The following PSD3 variants were observed in gnomAD, a reference collection of about 807,000 sequenced individuals.
PSD3 encodes the protein PH and SEC7 domain-containing protein 3.
Under a neutral mutation model 105.5 loss-of-function variants are expected in PSD3, and 49 were observed. That is an observed-to-expected ratio of 0.46 (90% CI 0.37 to 0.59). The LOEUF (loss-of-function observed/expected upper bound fraction) is 0.59. Among genes scored for constraint, PSD3 ranks in the 20% least tolerant of loss-of-function variants. The pLI is 0.00. For missense variants in PSD3, 1,561 were observed against 1,263.8 expected (o/e 1.24, Z -3.57); for synonymous variants, 557 against 457.8 (o/e 1.22, Z -2.77).
rs535542634 is a variant in PSD3 at position 18,959,522 on chromosome 8, A to G, written c.22-23380T>C. ...GTCTCCTATTCCAACTTTCTCTCTC[A>G]TTGCTCACGACACTAAGCAACGGTG... is the stretch of plus-strand genomic sequence containing the variant. On this transcript the variant is annotated intron_variant, in intron 1 of 15. Coordinates refer to ENST00000327040, the MANE Select transcript of PSD3 (RefSeq NM_015310.4). Among the ~76,000 whole-genome samples the G allele has an allele frequency of 1.3e-4, 19 of 151,968 alleles. No individual in the cohort carries two copies. In the East Asian group the frequency reaches 3.7e-3, roughly 30 times the overall value.
At chr8:18,964,083 G>GA (rs1824096672) in intron 1 of PSD3, among the ~76,000 whole-genome samples, 1 of 152,156 alleles carries the variant, frequency 6.6e-6, no homozygotes, top group South Asian at 2.1e-4. Flanking sequence ...AGAGTTACAA[G>GA]AAACACCATT....
At chr8:18,824,310 C>A (rs1563315463) in intron 4 of PSD3, among the ~76,000 whole-genome samples, 5 of 152,182 alleles carry the variant, frequency 3.3e-5, no homozygotes. Flanking sequence ...AGTAAACATT[C>A]CACTGCCCTT....
At chr8:18,876,622 A>G (rs962192710) in intron 2 of PSD3, among the ~76,000 whole-genome samples, 3 of 150,944 alleles carry the variant, frequency 2.0e-5, no homozygotes, top group African/African-American at 7.3e-5. Context: ...CTAGTCTTGA[A>G]CTCCTGGGCT....
chr8:18,961,045 C>T (rs1191238011), intron 1 of PSD3, among the ~76,000 whole-genome samples: 1 of 152,070 alleles, frequency 6.6e-6, no homozygotes, highest in Non-Finnish European at 1.5e-5. Context: ...CCGTGAGTAA[C>T]AGAGTCACTG....
intron 2 of PSD3, among the ~76,000 whole-genome samples, chr8:18,918,878 C>T (rs1244677761): frequency 6.6e-6 from 1 of 152,082 alleles, no homozygotes; most frequent in East Asian, 1.9e-4. Flanking sequence ...AGTCGTCATT[C>T]ATAAGTGCCA....
chr8:18,915,914 G>A (rs1216754156), intron 2 of PSD3, among the ~76,000 whole-genome samples: 2 of 152,058 alleles, frequency 1.3e-5, no homozygotes, highest in African/African-American at 4.8e-5. Context: ...TGACCAACAT[G>A]GAGAAACCCT....
chr8:18,585,546 G>A (rs955948578), intron 12 of PSD3, among the ~76,000 whole-genome samples: 3 of 151,980 alleles, frequency 2.0e-5, no homozygotes, highest in Non-Finnish European at 4.4e-5. Flanking sequence ...TTGAACCCTT[G>A]GGCTTAAGCA....
At chr8:18,921,697 A>G (rs1050372223) in intron 2 of PSD3, among the ~76,000 whole-genome samples, 1 of 152,258 alleles carries the variant, frequency 6.6e-6, no homozygotes, top group Non-Finnish European at 1.5e-5. Flanking sequence ...AGTGTGACAT[A>G]ATGAAACTCA....
At chr8:18,968,879 CAAAAAAAAAAAAA>C (rs10597134) in intron 1 of PSD3, among the ~76,000 whole-genome samples, 1 of 71,722 alleles carries the variant, frequency 1.4e-5, no homozygotes, top group Non-Finnish European at 2.5e-5. Flanking sequence ...AAAATGTCTC[CAAAAAAAAAAAAA>C]AAAAAAAAAA....
chr8:18,631,418 G>C (rs1236386803), intron 11 of PSD3, among the ~76,000 whole-genome samples: 1 of 151,844 alleles, frequency 6.6e-6, no homozygotes, highest in African/African-American at 2.4e-5. Context: ...GAGAAGTTAG[G>C]GAAGAAGAAC....
intron 12 of PSD3, among the ~76,000 whole-genome samples, chr8:18,581,847 T>C (rs1472262619): frequency 6.6e-6 from 1 of 152,184 alleles, no homozygotes; most frequent in African/African-American, 2.4e-5. Flanking sequence ...ATTACTATCG[T>C]GATACTCCGT....
intron 9 of PSD3, among the ~76,000 whole-genome samples, chr8:18,688,393 G>C (rs758978845): frequency 4.6e-5 from 7 of 152,148 alleles, no homozygotes; most frequent in Admixed American, 6.5e-5. Context: ...CACTGTGCCT[G>C]GCCTTCTTAA....
In PSD3 at chr8:18,867,662, T is replaced by C. The variant is rs199832162; in HGVS notation, c.1634+12A>G. The stretch of plus-strand genomic sequence containing the variant: ...ACCACCAGCATGAAATGAATGAGAA[T>C]GGGACGAGTACCTTCCCCAGAAAGC... On this transcript the variant is annotated intron_variant, in intron 4 of 15. Transcript: ENST00000327040. 7.1e-4 allele frequency: 1,123 copies of C among 1,587,870 alleles called. 1 individual carries two copies. The highest frequency in any genetic ancestry group is 9.1e-4 in the Non-Finnish European group (1,064 of 1,165,940).
At chr8:19,040,947 CAG>C (rs1236119668) in intron 1 of PSD3, among the ~76,000 whole-genome samples, 3 of 152,226 alleles carry the variant, frequency 2.0e-5, no homozygotes, top group African/African-American at 7.2e-5. Context: ...GGCTGGAGTG[CAG>C]AGACACGATC....
intron 10 of PSD3, among the ~76,000 whole-genome samples, chr8:18,642,311 G>A (rs777805923): frequency 4.6e-5 from 7 of 152,040 alleles, no homozygotes; most frequent in Non-Finnish European, 1.0e-4. Flanking sequence ...TCTTGATCTG[G>A]CTAAATTTTC....
At chr8:18,611,239 T>C (rs10503622) in intron 11 of PSD3, among the ~76,000 whole-genome samples, 41,486 of 148,178 alleles carry the variant, frequency 0.28, 6,116 homozygotes, top group South Asian at 0.47. Flanking sequence ...TGTAATTTAA[T>C]GTAGGATTTT....
chr8:18,718,413 C>A (rs1288966046), intron 9 of PSD3, among the ~76,000 whole-genome samples: 1 of 152,156 alleles, frequency 6.6e-6, no homozygotes, highest in Admixed American at 6.5e-5. Flanking sequence ...TTTGTTCTTG[C>A]AGTGAAGTAG....
At chr8:18,819,725 C>A (rs1586122556) in intron 4 of PSD3, among the ~76,000 whole-genome samples, 1 of 151,932 alleles carries the variant, frequency 6.6e-6, no homozygotes, top group East Asian at 1.9e-4. Context: ...ACTGCAGGCG[C>A]CCACCACCAC....
At chr8:18,713,939 G>C (rs1223459457) in intron 9 of PSD3, among the ~76,000 whole-genome samples, 1 of 152,058 alleles carries the variant, frequency 6.6e-6, no homozygotes, top group Non-Finnish European at 1.5e-5. Context: ...CAGACACATA[G>C]ACCAATGGAA....
Sources: gnomAD v4.1 joint callset for allele counts (sites outside exome capture counted in the v4.1 genomes callset) on GRCh38, gnomAD v4.1.1 for gene constraint, MANE v1.5 for transcripts, NCBI Gene and HGNC (gene_info 2026-07-23, HGNC 2026-07-21) for gene names.